The following ITPR2 variants were observed in gnomAD, a reference collection of about 807,000 sequenced individuals.
ITPR2 encodes the protein inositol 1,4,5-trisphosphate receptor type 2, also known as inositol 1,4,5-trisphosphate-gated calcium channel ITPR2.
A neutral mutation model predicts 317.1 loss-of-function variants in ITPR2; 207 were observed. That is an observed-to-expected ratio of 0.65 (90% CI 0.58 to 0.73). The LOEUF (loss-of-function observed/expected upper bound fraction) is 0.73. ITPR2 is among the 30% of genes least tolerant of loss of function. The pLI is 0.00. For missense variants in ITPR2, 2,613 were observed against 3,284.0 expected, an observed-to-expected ratio of 0.80 and a Z score of 4.99; for synonymous variants, 1,156 against 1,149.1, an observed-to-expected ratio of 1.01 and a Z score of -0.12.
At chr12:26,349,280 C>T (rs1369765215) in intron 55 of ITPR2, among the ~76,000 whole-genome samples, 1 of 152,214 alleles carries the variant, frequency 6.6e-6, no homozygotes, top group African/African-American at 2.4e-5. Context: ...AAACACGTGA[C>T]AGGACTTGAA....
intron 26 of ITPR2, among the ~76,000 whole-genome samples, chr12:26,616,061 T>C (rs931317859): frequency 2.0e-5 from 3 of 152,116 alleles, no homozygotes; most frequent in African/African-American, 2.4e-5. Context: ...TGGTCACAAG[T>C]TAATTAAGAA....
At chr12:26,655,682 T>C (rs1385118182) in intron 20 of ITPR2, 26 bp downstream of exon 20, 1 of 1,538,596 alleles carries the variant, frequency 6.5e-7, no homozygotes, top group African/African-American at 1.4e-5. Context: ...TACCAAAACA[T>C]CCTAAATATT....
intron 1 of ITPR2, among the ~76,000 whole-genome samples, chr12:26,797,552 T>C (rs1331261007): frequency 2.0e-5 from 3 of 152,188 alleles, no homozygotes; most frequent in Non-Finnish European, 4.4e-5. Flanking sequence ...AAAATGGCTC[T>C]GAAATGCATT....
intron 51 of ITPR2, 47 bp from the exon 52 acceptor site, chr12:26,411,459 T>G: frequency 1.6e-6 from 2 of 1,258,910 alleles, no homozygotes; most frequent in South Asian, 2.5e-5. Flanking sequence ...AATATGCACA[T>G]GATGAAAACT....
At position 26,722,406 on chromosome 12, in the gene ITPR2, C is replaced by T. The variant is rs751865788; in HGVS notation, c.516G>A (p.Glu172=). ...ATTGTATATTACATACATTGTCACC[C>T]TCGCTTCTCAGTTTCCAGAACGGAT... The part of the protein sequence containing the change: ...YIHPFWKLRS[E]GDNIVVGDKV... Residue 172 remains glutamate, a synonymous_variant, in exon 5 of 57, where the codon GAG becomes GAA. Transcript: ENST00000381340. The T allele has an allele frequency of 5.0e-6, 8 of 1,609,902 alleles. No homozygotes were observed. The East Asian group carries it at 1.6e-4, about 31-fold the overall frequency.
chr12:26,756,799 T>C (rs1592100065), intron 2 of ITPR2, among the ~76,000 whole-genome samples: 2 of 152,126 alleles, frequency 1.3e-5, no homozygotes, highest in South Asian at 4.1e-4. Context: ...ATGTCAGAGG[T>C]GTTTAAACCA....
intron 2 of ITPR2, among the ~76,000 whole-genome samples, chr12:26,761,332 T>C (rs1211230509): frequency 6.6e-6 from 1 of 152,222 alleles, no homozygotes; most frequent in Non-Finnish European, 1.5e-5. Flanking sequence ...CTAGACTAGA[T>C]GCCTAATTCT....
chr12:26,509,154 A>G (rs1340338809), intron 37 of ITPR2, among the ~76,000 whole-genome samples: 1 of 152,250 alleles, frequency 6.6e-6, no homozygotes, highest in African/African-American at 2.4e-5. Flanking sequence ...CACATATTGT[A>G]TGATTCCATT....
At chr12:26,622,122 AGTGTCTCCAGG>A in intron 25 of ITPR2, 107 bp downstream of exon 25, 1 of 795,042 alleles carries the variant, frequency 1.3e-6, no homozygotes, top group Non-Finnish European at 1.9e-6. Flanking sequence ...AAAAATAGAA[AGTGTCTCCAGG>A]AAAAGCCACA....
intron 55 of ITPR2, among the ~76,000 whole-genome samples, chr12:26,341,176 T>C (rs888890229): frequency 1.4e-4 from 22 of 152,168 alleles, no homozygotes; most frequent in African/African-American, 5.3e-4. Flanking sequence ...AACAAGAGGC[T>C]CTAAGTTTCA....
At chr12:26,706,506 G>A (rs1381286136) in intron 9 of ITPR2, among the ~76,000 whole-genome samples, 4 of 152,152 alleles carry the variant, frequency 2.6e-5, no homozygotes, top group African/African-American at 9.6e-5. Context: ...TGTACAAGCT[G>A]CCCTCACTGT....
chr12:26,449,275 C>T (rs1941683229), intron 45 of ITPR2, among the ~76,000 whole-genome samples: 1 of 152,130 alleles, frequency 6.6e-6, no homozygotes, highest in African/African-American at 2.4e-5. Context: ...TATTACAATA[C>T]AATGCCTTCA....
intron 37 of ITPR2, among the ~76,000 whole-genome samples, chr12:26,503,036 A>C (rs866107306): frequency 2.0e-5 from 3 of 152,136 alleles, no homozygotes; most frequent in Non-Finnish European, 4.4e-5. Context: ...AGTTTCTTGC[A>C]TTCTCAACAG....
intron 33 of ITPR2, 34 bp downstream of exon 33, chr12:26,579,991 CTT>C (rs1246664520): frequency 5.0e-6 from 8 of 1,585,830 alleles, no homozygotes; most frequent in African/African-American, 4.1e-5. Flanking sequence ...AAGAGAAACT[CTT>C]TGCAACAGAA....
At chr12:26,689,050 A>T (rs1429862370) in intron 10 of ITPR2, among the ~76,000 whole-genome samples, 1 of 152,176 alleles carries the variant, frequency 6.6e-6, no homozygotes, top group Non-Finnish European at 1.5e-5. Context: ...AATTTGCTTG[A>T]CTAGAGTAAC....
In ITPR2 at chr12:26,512,819, C is replaced by T. The variant is rs933308385; in HGVS notation, c.5074-17559G>A. On this transcript the variant is annotated intron_variant, in intron 37 of 56. Coordinates refer to ENST00000381340, the MANE Select transcript of ITPR2 (RefSeq NM_002223.4). ...CCTCTCAACGGACAGGGAAGGGAAA[C>T]AATTTTTTTTTTTTTTTTTTTGAGA... Among the ~76,000 whole-genome samples, 3 of 142,352 alleles carry T rather than the reference C, an allele frequency of 2.1e-5. No individual in the cohort carries two copies. The Admixed American group carries it at 2.1e-4, about 10-fold the overall frequency. 93.4% of individuals were successfully genotyped at this position (142,352 alleles called of 152,430 possible).
intron 36 of ITPR2, among the ~76,000 whole-genome samples, chr12:26,550,565 G>A (rs983157692): frequency 6.6e-6 from 1 of 152,000 alleles, no homozygotes; most frequent in African/African-American, 2.4e-5. Context: ...AAATATCTCA[G>A]GGCTTCTCAA....
intron 13 of ITPR2, among the ~76,000 whole-genome samples, chr12:26,680,089 T>C (rs1465815096): frequency 6.6e-6 from 1 of 152,108 alleles, no homozygotes; most frequent in Non-Finnish European, 1.5e-5. Flanking sequence ...TATTTATATG[T>C]GCACTTGTGT....
intron 16 of ITPR2, among the ~76,000 whole-genome samples, 159 bp from the exon 17 acceptor site, chr12:26,658,289 C>CA (rs1255356349): frequency 1.3e-5 from 2 of 152,168 alleles, no homozygotes; most frequent in Non-Finnish European, 2.9e-5. Flanking sequence ...TCTACTGCAT[C>CA]ATTAGAAACA....
Sources: allele counts gnomAD v4.1 joint callset (sites outside exome capture counted in the v4.1 genomes callset), GRCh38; gene constraint gnomAD v4.1.1; transcripts MANE v1.5; gene names NCBI Gene and HGNC (gene_info 2026-07-23, HGNC 2026-07-21).